Variants in PDE1A observed in about 807,000 individuals in gnomAD.
The protein encoded by PDE1A is phosphodiesterase 1A.
A neutral mutation model predicts 61.7 loss-of-function variants in PDE1A; 35 were observed. That is an observed-to-expected ratio of 0.57 (90% CI 0.43 to 0.75). The LOEUF (loss-of-function observed/expected upper bound fraction) is 0.75. PDE1A is among the 30% of genes least tolerant of loss of function. The pLI, the probability that PDE1A is intolerant of heterozygous loss-of-function variation, is 0.00. For missense variants in PDE1A, 597 were observed against 630.6 expected, an observed-to-expected ratio of 0.95 and a Z score of 0.57; for synonymous variants, 232 against 213.2, an observed-to-expected ratio of 1.09 and a Z score of -0.77.
intron 13 of PDE1A, among the ~76,000 whole-genome samples, chr2:182,162,613 A>T (rs752777728): frequency 7.2e-5 from 11 of 152,114 alleles, no homozygotes; most frequent in Admixed American, 3.3e-4. Flanking sequence ...TTATACTGTT[A>T]ATCTTTCTCT....
the PDE1A span, among the ~76,000 whole-genome samples, chr2:182,642,765 G>A: frequency 6.6e-6 from 1 of 152,130 alleles, no homozygotes; most frequent in Admixed American, 6.5e-5. Flanking sequence ...AGTTGTCTTT[G>A]AAGCCTTCCA....
chr2:182,271,862 CAG>C (rs1693050115), intron 1 of PDE1A, among the ~76,000 whole-genome samples: 1 of 150,330 alleles, frequency 6.7e-6, no homozygotes, highest in Admixed American at 6.6e-5. Flanking sequence ...TAAACTGAAA[CAG>C]AGACTGAAAA....
chr2:182,504,169 A>G (rs1434447037), intron 2 of PDE1A, among the ~76,000 whole-genome samples: 1 of 152,202 alleles, frequency 6.6e-6, no homozygotes, highest in Non-Finnish European at 1.5e-5. Flanking sequence ...ACTTAACAAA[A>G]CAATCTGAAT....
At chr2:182,182,018 T>G (rs1356286351) in intron 13 of PDE1A, among the ~76,000 whole-genome samples, 3 of 152,208 alleles carry the variant, frequency 2.0e-5, no homozygotes, top group African/African-American at 7.2e-5. Flanking sequence ...AATTTTACTG[T>G]TTTTTACACT....
chr2:182,274,347 T>C (rs1414395641), intron 1 of PDE1A, among the ~76,000 whole-genome samples: 2 of 151,992 alleles, frequency 1.3e-5, no homozygotes, highest in South Asian at 2.1e-4. Flanking sequence ...TACACAAACA[T>C]GCATACGGAA....
At chr2:182,657,670 A>C in the PDE1A span, among the ~76,000 whole-genome samples, 89 of 152,310 alleles carry the variant, frequency 5.8e-4, no homozygotes, top group Middle Eastern at 3.4e-3. Context: ...TATTTCTTCT[A>C]GGAATATTTA....
At chr2:182,603,560 G>C in the PDE1A span, among the ~76,000 whole-genome samples, 2 of 152,192 alleles carry the variant, frequency 1.3e-5, no homozygotes, top group South Asian at 4.1e-4. Context: ...ATGTTGGCCA[G>C]GCTGGTCTTG....
chr2:182,215,120 A>G (rs202201688), intron 7 of PDE1A, among the ~76,000 whole-genome samples: 3,963 of 52,194 alleles, frequency 0.076, 104 homozygotes, highest in Middle Eastern at 0.12. Flanking sequence ...CTCACTCAAA[A>G]CCGCTCAACT....
intron 2 of PDE1A, among the ~76,000 whole-genome samples, chr2:182,458,547 T>A (rs191079354): frequency 1.3e-5 from 2 of 152,184 alleles, no homozygotes; most frequent in East Asian, 3.9e-4. Flanking sequence ...CTGGTGTTAA[T>A]TAAATCTTCC....
chr2:182,162,284 G>A (rs141360800), intron 13 of PDE1A, among the ~76,000 whole-genome samples: 18 of 152,216 alleles, frequency 1.2e-4, no homozygotes, highest in African/African-American at 4.1e-4. Context: ...AGGCAAGGTG[G>A]GCGTAGTTAC....
At chr2:182,234,383 A>AT (rs774538611) in intron 4 of PDE1A, 49 bp downstream of exon 4, 23 of 1,296,932 alleles carry the variant, frequency 1.8e-5, no homozygotes, top group Non-Finnish European at 2.4e-5. Flanking sequence ...TTTTAAGAGA[A>AT]TTTTTTAAAA....
At chr2:182,219,235 G>A (rs1688513622) in intron 7 of PDE1A, among the ~76,000 whole-genome samples, 1 of 152,054 alleles carries the variant, frequency 6.6e-6, no homozygotes, top group African/African-American at 2.4e-5. Context: ...TTTTTAAAAT[G>A]ATGAATACAT....
At chr2:182,429,915 A>T (rs189025815), upstream of PDE1A, among the ~76,000 whole-genome samples, 200 of 152,278 alleles carry the variant, frequency 1.3e-3, no homozygotes, top group African/African-American at 4.7e-3. Flanking sequence ...TTCTCAGTTT[A>T]AGCACGTAAG....
At chr2:182,336,677 T>A (rs1447220839) in intron 1 of PDE1A, among the ~76,000 whole-genome samples, 1 of 151,768 alleles carries the variant, frequency 6.6e-6, no homozygotes, top group Non-Finnish European at 1.5e-5. Flanking sequence ...AGATGATGGG[T>A]TGATGGGTGC....
chr2:182,507,900 T>G (rs1477678595), intron 2 of PDE1A, among the ~76,000 whole-genome samples: 7 of 152,100 alleles, frequency 4.6e-5, no homozygotes, highest in Non-Finnish European at 8.8e-5. Flanking sequence ...AATCTAAGAA[T>G]GCTTGAAAAA....
At chr2:182,275,251 C>A (rs752509181) in intron 1 of PDE1A, among the ~76,000 whole-genome samples, 2 of 152,046 alleles carry the variant, frequency 1.3e-5, no homozygotes, top group Non-Finnish European at 2.9e-5. Flanking sequence ...ACAGAAGAGA[C>A]ACAACTAATG....
chr2:182,177,851 A>G (rs1684403073), intron 13 of PDE1A, among the ~76,000 whole-genome samples: 1 of 152,180 alleles, frequency 6.6e-6, no homozygotes, highest in East Asian at 1.9e-4. Flanking sequence ...GTGTCACATG[A>G]TTCAGTTCCA....
chr2:182,173,512 C>A (rs1488165839), intron 13 of PDE1A, among the ~76,000 whole-genome samples: 1 of 151,538 alleles, frequency 6.6e-6, no homozygotes, highest in East Asian at 1.9e-4. Flanking sequence ...GAAGACAAAG[C>A]TGAAGAGGTT....
intron 13 of PDE1A, among the ~76,000 whole-genome samples, chr2:182,180,996 A>G (rs1400399950): frequency 1.3e-5 from 2 of 151,896 alleles, no homozygotes; most frequent in African/African-American, 2.4e-5. Context: ...GTAACCTTTT[A>G]TCAATGTTCT....
Sources: gnomAD v4.1 joint callset for allele counts (sites outside exome capture counted in the v4.1 genomes callset) on GRCh38, gnomAD v4.1.1 for gene constraint, MANE v1.5 for transcripts, NCBI Gene and HGNC (gene_info 2026-07-23, HGNC 2026-07-21) for gene names.